The following SLC35D4 variants were observed in gnomAD, a reference collection of about 807,000 sequenced individuals.
SLC35D4 encodes the protein solute carrier family 35 member D4, also known as UDP-N-acetylglucosamine transporter SLC35D4.
the SLC35D4 span, among the ~76,000 whole-genome samples, chr18:23,300,412 C>G: frequency 1.3e-5 from 2 of 152,162 alleles, no homozygotes; most frequent in Non-Finnish European, 2.9e-5. Flanking sequence ...TATACACTTT[C>G]CACTAATCCT....
the SLC35D4 span, among the ~76,000 whole-genome samples, chr18:23,437,436 A>G: frequency 1.3e-5 from 2 of 151,874 alleles, no homozygotes; most frequent in South Asian, 2.1e-4. Context: ...GATGTGTCAG[A>G]TTTCTTCTGA....
the SLC35D4 span, among the ~76,000 whole-genome samples, chr18:23,285,818 C>G: frequency 1.3e-5 from 2 of 152,178 alleles, no homozygotes; most frequent in African/African-American, 2.4e-5. Flanking sequence ...CATTCCATGA[C>G]TAGCCCTCCC....
At chr18:23,285,861 G>A in the SLC35D4 span, among the ~76,000 whole-genome samples, 1 of 150,814 alleles carries the variant, frequency 6.6e-6, no homozygotes, top group Non-Finnish European at 1.5e-5. Context: ...TTAAAAAGGT[G>A]GCTGGAGCTA....
the SLC35D4 span, among the ~76,000 whole-genome samples, chr18:23,290,125 C>T: frequency 6.6e-6 from 1 of 152,258 alleles, no homozygotes. Context: ...CAGGCCCCAA[C>T]CAGCCCGGTG....
chr18:23,243,468 GTTTTTTTT>G, the SLC35D4 span, among the ~76,000 whole-genome samples: 7 of 101,878 alleles, frequency 6.9e-5, 1 homozygote, highest in African/African-American at 2.5e-4. Flanking sequence ...TGGGTTTGGT[GTTTTTTTT>G]TTTTTTTTTT....
chr18:23,376,702 A>G, the SLC35D4 span: 1 of 445,316 alleles, frequency 2.2e-6, no homozygotes, highest in African/African-American at 2.0e-5. Flanking sequence ...ATGCTTCCCC[A>G]TCCATGGAGA....
chr18:23,259,728 G>GACGT, the SLC35D4 span: 1 of 152,296 alleles, frequency 6.6e-6, no homozygotes. Context: ...GAACATTCCA[G>GACGT]ACACGTCGCA....
the SLC35D4 span, among the ~76,000 whole-genome samples, chr18:23,246,436 G>C: frequency 2.6e-5 from 4 of 152,060 alleles, no homozygotes; most frequent in Non-Finnish European, 5.9e-5. Context: ...CTGTCGCCCA[G>C]GCTGAAGTGC....
the SLC35D4 span, among the ~76,000 whole-genome samples, chr18:23,333,388 T>C: frequency 6.6e-6 from 1 of 152,228 alleles, no homozygotes; most frequent in Admixed American, 6.5e-5. Context: ...TGAACTCCTA[T>C]TCTGATTTAT....
chr18:23,358,998 A>C, the SLC35D4 span, among the ~76,000 whole-genome samples: 21 of 152,326 alleles, frequency 1.4e-4, no homozygotes, highest in East Asian at 4.0e-3. Flanking sequence ...CCCCAGCCAC[A>C]TGCAAACTCG....
At chr18:23,425,870 G>T in the SLC35D4 span, among the ~76,000 whole-genome samples, 2 of 152,148 alleles carry the variant, frequency 1.3e-5, no homozygotes, top group Admixed American at 1.3e-4. Context: ...GTTAACTACT[G>T]GGGAAGGGAC....
the SLC35D4 span, among the ~76,000 whole-genome samples, chr18:23,421,691 T>C: frequency 6.6e-6 from 1 of 150,930 alleles, no homozygotes; most frequent in African/African-American, 2.4e-5. Flanking sequence ...TTTTTTTTTT[T>C]TTTGAGACGG....
chr18:23,428,799 G>C, the SLC35D4 span, among the ~76,000 whole-genome samples: 1 of 152,078 alleles, frequency 6.6e-6, no homozygotes, highest in African/African-American at 2.4e-5. Flanking sequence ...AGTGAGCACA[G>C]TACCTAATAG....
chr18:23,324,580 C>T, the SLC35D4 span, among the ~76,000 whole-genome samples: 11 of 152,292 alleles, frequency 7.2e-5, no homozygotes, highest in South Asian at 2.1e-4. Context: ...GATCTGCCCT[C>T]GCAACACCCC....
the SLC35D4 span, among the ~76,000 whole-genome samples, chr18:23,368,400 G>A: frequency 6.6e-6 from 1 of 152,220 alleles, no homozygotes; most frequent in Admixed American, 6.5e-5. Context: ...AGGGACATGG[G>A]TGGGGGATTC....
At chr18:23,344,264 C>A in the SLC35D4 span, among the ~76,000 whole-genome samples, 1 of 152,172 alleles carries the variant, frequency 6.6e-6, no homozygotes, top group Non-Finnish European at 1.5e-5. Flanking sequence ...CATTGATGGG[C>A]ATTTAGGTTG....
chr18:23,366,289 G>A, the SLC35D4 span, among the ~76,000 whole-genome samples: 8 of 152,132 alleles, frequency 5.3e-5, no homozygotes, highest in East Asian at 5.8e-4. Context: ...AACCCCTCCC[G>A]TCCCGCAGTG....
the SLC35D4 span, among the ~76,000 whole-genome samples, chr18:23,322,536 T>G: frequency 1.3e-5 from 2 of 152,216 alleles, no homozygotes; most frequent in African/African-American, 4.8e-5. Context: ...GATGTCCAAC[T>G]TTTCTCTGGT....
chr18:23,343,170 G>A, the SLC35D4 span, among the ~76,000 whole-genome samples: 1 of 152,186 alleles, frequency 6.6e-6, no homozygotes, highest in African/African-American at 2.4e-5. Context: ...TGATCCACCT[G>A]CCTCGGCTTC....
Sources: gnomAD v4.1 joint callset for allele counts (sites outside exome capture counted in the v4.1 genomes callset) on GRCh38, gnomAD v4.1.1 for gene constraint, MANE v1.5 for transcripts, NCBI Gene and HGNC (gene_info 2026-07-23, HGNC 2026-07-21) for gene names.